The following GLRA3 variants were observed in gnomAD, a reference collection of about 807,000 sequenced individuals.
GLRA3 encodes glycine receptor alpha 3, also known as glycine receptor subunit alpha-3.
A neutral mutation model predicts 60.4 loss-of-function variants in GLRA3; 44 were observed. The observed-to-expected ratio is 0.73, with a 90% CI of 0.57 to 0.94. The LOEUF (loss-of-function observed/expected upper bound fraction) is 0.94, where lower values mean the gene tolerates loss of function less well. Ranked by LOEUF, GLRA3 falls within the 40% of genes least tolerant of loss-of-function variation. The pLI is 0.00. For synonymous variants in GLRA3, 223 were observed against 192.9 expected (o/e 1.16, Z -1.29); for missense variants, 508 against 564.6 (o/e 0.90, Z 1.02).
At chr4:174,665,087 C>T (rs1733609281) in intron 7 of GLRA3, among the ~76,000 whole-genome samples, 2 of 152,072 alleles carry the variant, frequency 1.3e-5, no homozygotes, top group South Asian at 2.1e-4. Flanking sequence ...TGGCAGTGGC[C>T]AGGGAAGACC....
chr4:174,770,702 C>A (rs1006189959), intron 2 of GLRA3, among the ~76,000 whole-genome samples: 2 of 152,006 alleles, frequency 1.3e-5, no homozygotes, highest in Non-Finnish European at 2.9e-5. Context: ...AAAAGACCTG[C>A]ATCCTAGGGG....
At chr4:174,817,614 A>G (rs567422579) in intron 1 of GLRA3, among the ~76,000 whole-genome samples, 2 of 152,134 alleles carry the variant, frequency 1.3e-5, no homozygotes, top group South Asian at 4.2e-4. Context: ...TTACTAATAT[A>G]TATACTTTTT....
intron 5 of GLRA3, among the ~76,000 whole-genome samples, chr4:174,692,426 C>T (rs1204508386): frequency 2.6e-5 from 4 of 151,410 alleles, no homozygotes; most frequent in Admixed American, 1.3e-4. Context: ...GCCACCACCC[C>T]ATCTGGGAGG....
chr4:174,813,154 T>C (rs532316557), intron 1 of GLRA3, among the ~76,000 whole-genome samples: 14 of 152,312 alleles, frequency 9.2e-5, no homozygotes, highest in Non-Finnish European at 1.6e-4. Flanking sequence ...TCTGAATTTG[T>C]TTCAGTCTCA....
At chr4:174,775,638 A>G (rs1184063447) in intron 2 of GLRA3, among the ~76,000 whole-genome samples, 1 of 152,208 alleles carries the variant, frequency 6.6e-6, no homozygotes, top group Non-Finnish European at 1.5e-5. Context: ...TTAGGATCAA[A>G]AGAAAGAAGT....
intron 4 of GLRA3, among the ~76,000 whole-genome samples, chr4:174,719,357 T>C (rs983123373): frequency 6.6e-6 from 1 of 152,326 alleles, no homozygotes; most frequent in East Asian, 1.9e-4. Context: ...TTTTAAATTA[T>C]GTATTTCTTA....
chr4:174,654,373 G>A (rs1399222873), intron 9 of GLRA3, among the ~76,000 whole-genome samples: 1 of 150,008 alleles, frequency 6.7e-6, no homozygotes, highest in Non-Finnish European at 1.5e-5. Flanking sequence ...ATAAAATAAA[G>A]TTTGTGTACA....
chr4:174,708,017 G>T (rs765318964), intron 5 of GLRA3, among the ~76,000 whole-genome samples: 1 of 152,132 alleles, frequency 6.6e-6, no homozygotes, highest in African/African-American at 2.4e-5. Context: ...GTTCATTACT[G>T]TATAGTTTTG....
At chr4:174,749,852 T>C (rs1034176645) in intron 3 of GLRA3, among the ~76,000 whole-genome samples, 1 of 152,082 alleles carries the variant, frequency 6.6e-6, no homozygotes, top group African/African-American at 2.4e-5. Context: ...ATATTCACTC[T>C]CTTGCAGAGT....
At chr4:174,666,759 T>TTG (rs1733688716) in intron 7 of GLRA3, among the ~76,000 whole-genome samples, 1 of 53,428 alleles carries the variant, frequency 1.9e-5, no homozygotes, top group Non-Finnish European at 3.0e-5. Flanking sequence ...TATATATATA[T>TTG]TATATATATA....
At chr4:174,734,592 A>T (rs1027002369) in intron 3 of GLRA3, among the ~76,000 whole-genome samples, 3 of 152,064 alleles carry the variant, frequency 2.0e-5, no homozygotes, top group Admixed American at 1.3e-4. Context: ...AAAAAAGAAG[A>T]TTTTAAAATT....
intron 7 of GLRA3, among the ~76,000 whole-genome samples, chr4:174,671,741 C>T (rs910313200): frequency 3.9e-5 from 6 of 152,058 alleles, no homozygotes; most frequent in Non-Finnish European, 7.3e-5. Flanking sequence ...CCTCTGCCTC[C>T]CGGGTTTAAG....
At chr4:174,778,872 A>C (rs1049737277) in intron 2 of GLRA3, among the ~76,000 whole-genome samples, 3 of 152,218 alleles carry the variant, frequency 2.0e-5, no homozygotes, top group African/African-American at 7.2e-5. Context: ...ATCAAACTGC[A>C]AGGCGGCAGT....
At chr4:174,701,080 A>G (rs1035246560) in intron 5 of GLRA3, among the ~76,000 whole-genome samples, 1 of 152,200 alleles carries the variant, frequency 6.6e-6, no homozygotes, top group African/African-American at 2.4e-5. Flanking sequence ...ACAATCTTCT[A>G]TTGGAAAAAG....
intron 1 of GLRA3, among the ~76,000 whole-genome samples, chr4:174,815,391 C>G (rs559905782): frequency 6.6e-6 from 1 of 152,276 alleles, no homozygotes; most frequent in East Asian, 1.9e-4. Flanking sequence ...GATGGTGGCC[C>G]TCTTCTCATA....
intron 4 of GLRA3, among the ~76,000 whole-genome samples, chr4:174,719,455 T>C (rs1233428597): frequency 1.3e-5 from 2 of 152,268 alleles, no homozygotes; most frequent in Admixed American, 1.3e-4. Context: ...AAGTAAAACA[T>C]GCATAAATAA....
At chr4:174,813,474 C>T (rs1740351285) in intron 1 of GLRA3, among the ~76,000 whole-genome samples, 1 of 152,184 alleles carries the variant, frequency 6.6e-6, no homozygotes, top group Non-Finnish European at 1.5e-5. Flanking sequence ...AGCGTAGCCA[C>T]ACCACAGTAC....
chr4:174,694,930 G>A (rs766282781), intron 5 of GLRA3, among the ~76,000 whole-genome samples: 29 of 152,096 alleles, frequency 1.9e-4, no homozygotes, highest in Admixed American at 1.1e-3. Flanking sequence ...ACAACCATCA[G>A]AGACTACCAT....
At chr4:174,817,954 A>G (rs1305002880) in intron 1 of GLRA3, among the ~76,000 whole-genome samples, 1 of 152,192 alleles carries the variant, frequency 6.6e-6, no homozygotes, top group East Asian at 1.9e-4. Context: ...TATAATGCTA[A>G]GTATATATTT....
Sources: allele counts gnomAD v4.1 joint callset (sites outside exome capture counted in the v4.1 genomes callset), GRCh38; gene constraint gnomAD v4.1.1; transcripts MANE v1.5; gene names NCBI Gene and HGNC (gene_info 2026-07-23, HGNC 2026-07-21).